Variants in IGSF9B observed in about 807,000 individuals in gnomAD.
The protein encoded by IGSF9B is protein turtle homolog B.
A neutral mutation model predicts 143.7 loss-of-function variants in IGSF9B; 48 were observed. The observed-to-expected ratio is 0.33, with a 90% CI of 0.26 to 0.42. The LOEUF (loss-of-function observed/expected upper bound fraction) is 0.42. Ranked by LOEUF, IGSF9B falls within the 20% of genes least tolerant of loss-of-function variation. The probability of loss-of-function intolerance (pLI) is 1.00; values close to 1 mark genes in which losing one functional copy is unlikely to be tolerated. For missense variants in IGSF9B, 1,706 were observed against 1,980.0 expected (o/e 0.86, Z 2.63); for synonymous variants, 903 against 833.1 (o/e 1.08, Z -1.44).
intron 1 of IGSF9B, among the ~76,000 whole-genome samples, chr11:133,949,138 G>C (rs1334720102): frequency 6.6e-6 from 1 of 152,168 alleles, no homozygotes; most frequent in African/African-American, 2.4e-5. Flanking sequence ...CTTTCAACCA[G>C]GGAGAGGCAG....
chr11:133,898,537 G>A lies in IGSF9B; in HGVS notation c.*10532C>T, dbSNP rs1939061100. On this transcript the variant is annotated 3_prime_UTR_variant, in exon 20 of 20. Transcript: ENST00000533871. ...GGGCAGGAGTCACTGACATGAAGCG[G>A]GATGTGGTCCCTTCACGTCAGTGAC... 1.3e-5 allele frequency: 2 copies of A among 154,350 alleles called. No individual in the cohort carries two copies. The highest frequency in any genetic ancestry group is 2.9e-5 in the Non-Finnish European group (2 of 68,224). 9.6% of individuals were successfully genotyped at this position (154,350 alleles called of 1,614,324 possible). A position where few individuals can be genotyped will look rare whatever the true frequency, so the allele number is the denominator to read the frequency against.
rs1321630219 is a variant in IGSF9B, at chr11:133,906,232, C to T, written c.*2837G>A. Reference sequence around the variant, plus strand: ...GTTACACCCCCATCACCCACATGCTCACAACCACGCTGTCACACATGCCCA... The same window carrying T: ...GTTACACCCCCATCACCCACATGCTTACAACCACGCTGTCACACATGCCCA... On this transcript the variant is annotated 3_prime_UTR_variant, in exon 20 of 20. Transcript: ENST00000533871. Among the ~76,000 whole-genome samples the T allele has an allele frequency of 2.6e-5, 4 of 152,230 alleles. No individual in the cohort carries two copies. Among genetic ancestry groups the T allele is most frequent in the Admixed American group, 1.3e-4 (2 of 15,292 alleles).
At chr11:133,912,426 C>A in intron 18 of IGSF9B, 1 of 453,950 alleles carries the variant, frequency 2.2e-6, no homozygotes, top group Admixed American at 2.4e-5. Context: ...GAGCAGGGGG[C>A]AAGCAGCTCC....
chr11:133,921,464 CCT>C (rs1219052875), intron 17 of IGSF9B, 67 bp from the exon 18 acceptor site: 12 of 1,248,446 alleles, frequency 9.6e-6, no homozygotes, highest in Non-Finnish European at 1.2e-5. Flanking sequence ...ACTTCCTTTC[CCT>C]CTCTCGGCAA....
chr11:133,931,175 TG>T lies in IGSF9B; in HGVS notation c.1369-42del. On this transcript the variant is annotated intron_variant, in intron 10 of 19. Coordinates refer to ENST00000533871, the MANE Select transcript of IGSF9B (RefSeq NM_001277285.4). The surrounding 1 kb of genome is among the most constrained non-coding windows in gnomAD (Gnocchi z 7.7). Reference sequence around the variant, plus strand: ...GCAGGGAAGAGGGTGGGAACAGAAATGGGGGTTAGGAGAGAAGCCCGAAGCA... The same window carrying T: ...GCAGGGAAGAGGGTGGGAACAGAAATGGGGTTAGGAGAGAAGCCCGAAGCA... The T allele has an allele frequency of 6.3e-7, 1 of 1,589,892 alleles. No homozygotes were observed. The highest frequency in any genetic ancestry group is 8.6e-7 in the Non-Finnish European group (1 of 1,165,190).
chr11:133,946,315 A>G (rs1195491444), intron 1 of IGSF9B, 57 bp from the exon 2 acceptor site: 5 of 1,487,918 alleles, frequency 3.4e-6, no homozygotes, highest in Non-Finnish European at 4.6e-6. Flanking sequence ...ATCCTGCCCC[A>G]GCAGCCCCAT....
At chr11:133,935,867 C>T in intron 6 of IGSF9B, 105 bp from the exon 7 acceptor site, 2 of 1,463,292 alleles carry the variant, frequency 1.4e-6, no homozygotes, top group South Asian at 1.3e-5. Context: ...GAGCCCATGC[C>T]CCTGGCATCC....
intron 7 of IGSF9B, among the ~76,000 whole-genome samples, chr11:133,933,608 C>A (rs1939772155): frequency 6.6e-6 from 1 of 152,188 alleles, no homozygotes; most frequent in Non-Finnish European, 1.5e-5. Flanking sequence ...ATGATCTGGG[C>A]ATGGTGGCAC....
intron 2 of IGSF9B, 83 bp from the exon 3 acceptor site, chr11:133,944,449 G>C: frequency 7.1e-7 from 1 of 1,415,088 alleles, no homozygotes; most frequent in African/African-American, 1.4e-5. Flanking sequence ...GCTAAAGACA[G>C]GGGACTCATC....
At chr11:133,937,591 T>C (rs1184717838) in intron 4 of IGSF9B, 98 bp from the exon 5 acceptor site, 17 of 1,095,918 alleles carry the variant, frequency 1.6e-5, no homozygotes, top group Admixed American at 7.9e-5. Flanking sequence ...AAGGTGGAGA[T>C]GACCACAGGG....
chr11:133,956,731 G>T lies in IGSF9B; in HGVS notation c.24C>A (p.Phe8Leu), dbSNP rs769753313. MIWYVAT[F>L]IASVIGTRGL... ...CTCGGGTGCCGATCACACTTGCTAT[G>T]AAAGTGGCCACATACCAAATCATAG... Residue 8 changes from phenylalanine (F) to leucine (L), a missense_variant, in exon 1 of 20, where the codon TTC (phenylalanine) becomes TTA (leucine). This residue lies in a region of IGSF9B where 171 missense variants were observed against 213.9 expected (regional missense o/e 0.80). Coordinates refer to ENST00000533871, the MANE Select transcript of IGSF9B (RefSeq NM_001277285.4). The T allele has an allele frequency of 2.6e-6, 4 of 1,544,182 alleles. No individual in the cohort carries two copies. Among genetic ancestry groups the T allele is most frequent in the African/African-American group, 2.9e-5 (2 of 70,034 alleles).
chr11:133,901,957 T>C lies in IGSF9B; in HGVS notation c.*7112A>G, dbSNP rs1274505770. On this transcript the variant is annotated 3_prime_UTR_variant, in exon 20 of 20. Coordinates refer to ENST00000533871, the MANE Select transcript of IGSF9B (RefSeq NM_001277285.4). ...ACAACACACACACACATCACACACA[T>C]GCACACCGCATCACACACATGCACA... 2.0e-5 allele frequency among the ~76,000 whole-genome samples: 2 copies of C among 99,260 alleles called. No homozygotes were observed. The highest frequency in any genetic ancestry group is 2.0e-5 in the Non-Finnish European group (1 of 50,380). 65.1% of individuals were successfully genotyped at this position (99,260 alleles called of 152,430 possible). A position where few individuals can be genotyped will look rare whatever the true frequency, so the allele number is the denominator to read the frequency against.
At chr11:133,955,239 C>A (rs1239187872) in intron 1 of IGSF9B, among the ~76,000 whole-genome samples, 1 of 152,186 alleles carries the variant, frequency 6.6e-6, no homozygotes, top group Non-Finnish European at 1.5e-5. Context: ...CACATCCACC[C>A]CCCGTTCCGT....
chr11:133,940,305 C>T lies in IGSF9B; in HGVS notation c.410-2344G>A, dbSNP rs78119032. ...AACACACCTCGCACGTCCTCGCACG[C>T]GTCATCGCACGCAGAAACATACACC... On this transcript the variant is annotated intron_variant, in intron 3 of 19. Coordinates refer to ENST00000533871, the MANE Select transcript of IGSF9B (RefSeq NM_001277285.4). Among the ~76,000 whole-genome samples the T allele has an allele frequency of 1.7e-4, 23 of 137,242 alleles. No individual in the cohort carries two copies. The East Asian group carries it at 5.0e-3, about 30-fold the overall frequency. 90.0% of individuals were successfully genotyped at this position (137,242 alleles called of 152,430 possible). A position where few individuals can be genotyped will look rare whatever the true frequency, so the allele number is the denominator to read the frequency against.
rs1380439609 is a variant in IGSF9B, at chr11:133,919,922, C to T, written c.3803G>A (p.Ser1268Asn). The stretch of plus-strand genomic sequence containing the variant: ...GGTGAAGCCCATGGCGGGCCGGTAG[C>T]TGGGACTCCCACTGCGGCTGCTCTG... ...PSQSSRSGSP[S>N]YRPAMGFTTL... Residue 1268 changes from serine (S) to asparagine (N), a missense_variant, in exon 18 of 20, where the codon AGC becomes AAC. Physicochemically the swap from Ser to Asn is conservative, Grantham distance 46 (BLOSUM62 1). Coordinates refer to ENST00000533871, the MANE Select transcript of IGSF9B (RefSeq NM_001277285.4). 6.4e-7 allele frequency: 1 copy of T among 1,561,670 alleles called. No individual in the cohort carries two copies. The highest frequency in any genetic ancestry group is 8.7e-7 in the Non-Finnish European group (1 of 1,152,518).
rs1939048744 is a variant in IGSF9B at position 133,898,026 on chromosome 11, TCAGGAG to T, written c.*11037_*11042del. The T allele has an allele frequency of 6.6e-6, 1 of 151,832 alleles. No homozygotes were observed. Among genetic ancestry groups the T allele is most frequent in the Admixed American group, 6.6e-5 (1 of 15,254 alleles). The allele number at this position is 151,832 out of a possible 1,614,324, so 9.4% of individuals were successfully genotyped here. A position where few individuals can be genotyped will look rare whatever the true frequency, so the allele number is the denominator to read the frequency against. ...AAAGAAGACAAAATACAGCAAGATA[TCAGGAG>T]CCAGTGGGAGGAAGGAGATTCAGCC... On this transcript the variant is annotated 3_prime_UTR_variant, in exon 20 of 20. Transcript: ENST00000533871.
intron 19 of IGSF9B, among the ~76,000 whole-genome samples, chr11:133,911,435 A>T (rs1199472991): frequency 6.6e-6 from 1 of 152,190 alleles, no homozygotes; most frequent in African/African-American, 2.4e-5. Flanking sequence ...AAGGCCTGAA[A>T]TGATAGAGGG....
At chr11:133,919,636 G>C (rs570276868) in intron 18 of IGSF9B, 106 bp downstream of exon 18, 15 of 759,318 alleles carry the variant, frequency 2.0e-5, no homozygotes, top group Non-Finnish European at 2.9e-5. Context: ...CGGCATGTCC[G>C]CACGAGCCCT....
intron 15 of IGSF9B, among the ~76,000 whole-genome samples, chr11:133,924,520 T>C (rs1939591173): frequency 6.6e-6 from 1 of 152,148 alleles, no homozygotes; most frequent in South Asian, 2.1e-4. Flanking sequence ...GTACAGCAAA[T>C]AGCACTTCAA....
Sources: gnomAD v4.1 joint callset for allele counts (sites outside exome capture counted in the v4.1 genomes callset) on GRCh38, gnomAD v4.1.1 for gene constraint, gnomAD v4.1.1 regional missense constraint, Gnocchi (gnomAD v3.1) non-coding constraint, MANE v1.5 for transcripts, NCBI Gene and HGNC (gene_info 2026-07-23, HGNC 2026-07-21) for gene names.